Variants in PRKG1 observed in about 807,000 individuals in gnomAD.
PRKG1 encodes protein kinase cGMP-dependent 1, also known as cGMP-dependent protein kinase 1.
A neutral mutation model predicts 88.1 loss-of-function variants in PRKG1; 35 were observed. That is an observed-to-expected ratio of 0.40 (90% CI 0.30 to 0.53). The LOEUF is 0.53. PRKG1 is among the 20% of genes least tolerant of loss of function. The probability of loss-of-function intolerance (pLI) is 0.59; values close to 1 mark genes in which losing one functional copy is unlikely to be tolerated. For synonymous variants in PRKG1, 303 were observed against 292.5 expected, an observed-to-expected ratio of 1.04 and a Z score of -0.37; for missense variants, 540 against 839.8, an observed-to-expected ratio of 0.64 and a Z score of 4.41.
At chr10:52,158,079 C>G (rs1838174715) in intron 8 of PRKG1, among the ~76,000 whole-genome samples, 1 of 151,630 alleles carries the variant, frequency 6.6e-6, no homozygotes, top group Non-Finnish European at 1.5e-5. Context: ...GGTAACATGT[C>G]TTTAATTTCT....
chr10:51,916,932 T>C (rs1343994509), intron 5 of PRKG1, among the ~76,000 whole-genome samples: 1 of 152,234 alleles, frequency 6.6e-6, no homozygotes, highest in Non-Finnish European at 1.5e-5. Context: ...ACATATTGTG[T>C]GATTTCATTT....
intron 1 of PRKG1, among the ~76,000 whole-genome samples, chr10:51,118,499 T>TATTATTTAATATATCATTAAAAATGATAA (rs1845185066): frequency 1.3e-5 from 2 of 152,158 alleles, no homozygotes; most frequent in Non-Finnish European, 2.9e-5. Context: ...ATAACTCTGT[T>TATTATTTAATATATCATTAAAAATGATAA]TATTATCATT....
chr10:51,340,710 C>A (rs1054362736), intron 2 of PRKG1, among the ~76,000 whole-genome samples: 1 of 152,122 alleles, frequency 6.6e-6, no homozygotes. Context: ...TAACTTAATG[C>A]ATTCAGTTGT....
intron 4 of PRKG1, among the ~76,000 whole-genome samples, chr10:51,827,899 A>G (rs2132744850): frequency 6.6e-6 from 1 of 152,218 alleles, no homozygotes; most frequent in South Asian, 2.1e-4. Flanking sequence ...TGGATACCTG[A>G]AGAAGTACAG....
intron 3 of PRKG1, among the ~76,000 whole-genome samples, chr10:51,686,247 C>T (rs1408084361): frequency 6.6e-6 from 1 of 152,042 alleles, no homozygotes; most frequent in Non-Finnish European, 1.5e-5. Context: ...ATTTTATCAC[C>T]CAGGTAATAA....
intron 3 of PRKG1, among the ~76,000 whole-genome samples, chr10:51,669,959 G>A (rs2132345937): frequency 6.6e-6 from 1 of 152,098 alleles, no homozygotes; most frequent in South Asian, 2.1e-4. Flanking sequence ...TTTCAGAGGG[G>A]GGAAATAATA....
chr10:51,463,449 G>A (rs1328622312), intron 2 of PRKG1, among the ~76,000 whole-genome samples: 1 of 152,006 alleles, frequency 6.6e-6, no homozygotes, highest in African/African-American at 2.4e-5. Flanking sequence ...TGCAAATGGA[G>A]TCAGTGTAAA....
chr10:51,602,676 A>G (rs1838638280), intron 3 of PRKG1, among the ~76,000 whole-genome samples: 1 of 149,258 alleles, frequency 6.7e-6, no homozygotes, highest in Admixed American at 6.7e-5. Context: ...CGGCCTCTCA[A>G]AGTGCTAGGA....
intron 9 of PRKG1, among the ~76,000 whole-genome samples, chr10:52,245,365 T>G (rs1414313141): frequency 3.9e-5 from 6 of 152,100 alleles, no homozygotes; most frequent in Non-Finnish European, 5.9e-5. Context: ...ACTTATTACT[T>G]AAGTGTATAT....
chr10:52,274,026 T>C (rs948061036), intron 12 of PRKG1, among the ~76,000 whole-genome samples: 1 of 152,110 alleles, frequency 6.6e-6, no homozygotes, highest in Non-Finnish European at 1.5e-5. Context: ...CTTCTACTTT[T>C]TTTTCTAATT....
Position 51,643,676 on chromosome 10 carries a change from G to A in PRKG1, c.593-160909G>A, listed in dbSNP as rs1191792538. Among the ~76,000 whole-genome samples the A allele has an allele frequency of 4.6e-5, 7 of 152,276 alleles. No individual in the cohort carries two copies. The South Asian group carries it at 6.2e-4, about 14-fold the overall frequency. On this transcript the variant is annotated intron_variant, in intron 3 of 17. Coordinates refer to ENST00000373980, the MANE Select transcript of PRKG1 (RefSeq NM_006258.4). ...AATAAAAGCTTTCTTTGGTGTCAAA[G>A]TAATTCTCTGGTGTCCTTAAATGCA...
intron 2 of PRKG1, among the ~76,000 whole-genome samples, chr10:51,302,369 A>C (rs768617367): frequency 6.6e-6 from 1 of 152,166 alleles, no homozygotes; most frequent in Admixed American, 6.6e-5. Flanking sequence ...TGAGATAAAG[A>C]GTTATTTGCT....
intron 1 of PRKG1, among the ~76,000 whole-genome samples, chr10:51,151,958 C>T (rs1214754368): frequency 6.6e-6 from 1 of 151,956 alleles, no homozygotes; most frequent in Non-Finnish European, 1.5e-5. Context: ...GGACTAAGGT[C>T]AGCTTGTATT....
chr10:51,822,360 C>T (rs1240627068), intron 4 of PRKG1, among the ~76,000 whole-genome samples: 3 of 151,340 alleles, frequency 2.0e-5, no homozygotes, highest in African/African-American at 7.3e-5. Flanking sequence ...AGTGTAGAAA[C>T]TAAAAAAAGT....
intron 5 of PRKG1, among the ~76,000 whole-genome samples, chr10:52,054,275 TAAAA>T (rs1425871339): frequency 7.2e-5 from 11 of 151,948 alleles, no homozygotes; most frequent in Non-Finnish European, 1.6e-4. Flanking sequence ...GTAATAATAA[TAAAA>T]AAAGAAAATG....
intron 7 of PRKG1, among the ~76,000 whole-genome samples, chr10:52,065,287 CATTT>C (rs1486484013): frequency 6.6e-6 from 1 of 152,110 alleles, no homozygotes; most frequent in African/African-American, 2.4e-5. Context: ...AACCAATAAA[CATTT>C]ATTTTTCTAT....
intron 3 of PRKG1, among the ~76,000 whole-genome samples, chr10:51,618,619 G>A (rs1264879965): frequency 6.6e-6 from 1 of 152,190 alleles, no homozygotes; most frequent in East Asian, 1.9e-4. Context: ...TTAAGAAACT[G>A]AAGCATAAGA....
intron 5 of PRKG1, among the ~76,000 whole-genome samples, chr10:51,975,536 G>A (rs1843809968): frequency 6.6e-6 from 1 of 152,144 alleles, no homozygotes; most frequent in South Asian, 2.1e-4. Context: ...ATAAAATGCT[G>A]TTCTTATATA....
chr10:51,607,015 G>A (rs1342871317), intron 3 of PRKG1, among the ~76,000 whole-genome samples: 1 of 152,148 alleles, frequency 6.6e-6, no homozygotes, highest in Non-Finnish European at 1.5e-5. Flanking sequence ...CCTCTGAAGA[G>A]AACCCTAGTG....
Sources: allele counts gnomAD v4.1 joint callset (sites outside exome capture counted in the v4.1 genomes callset), GRCh38; gene constraint gnomAD v4.1.1; transcripts MANE v1.5; gene names NCBI Gene and HGNC (gene_info 2026-07-23, HGNC 2026-07-21).